Variants in AGK observed in about 807,000 individuals in gnomAD.
AGK encodes acylglycerol kinase, mitochondrial.
AGK carries 52 observed loss-of-function variants against 66.4 expected under a neutral mutation model. The ratio of observed to expected loss-of-function variants is 0.78; its 90% CI spans 0.63 to 0.99. The LOEUF (loss-of-function observed/expected upper bound fraction) is 0.99. Among genes scored for constraint, AGK ranks in the 50% least tolerant of loss-of-function variants. The pLI, the probability that AGK is intolerant of heterozygous loss-of-function variation, is 0.00. For synonymous variants in AGK, 182 were observed against 181.1 expected (o/e 1.00, Z -0.04); for missense variants, 451 against 506.6 (o/e 0.89, Z 1.05).
At chr7:141,574,551 G>A (rs1217013577) in intron 2 of AGK, among the ~76,000 whole-genome samples, 6 of 152,162 alleles carry the variant, frequency 3.9e-5, no homozygotes, top group African/African-American at 1.4e-4. Context: ...ATTTCTCTTG[G>A]TCAATAGAAT....
intron 15 of AGK, chr7:141,652,308 A>C (rs528468298): frequency 6.4e-6 from 1 of 155,744 alleles, no homozygotes; most frequent in Admixed American, 6.2e-5. Context: ...ATTAATGTTG[A>C]TACACCTTGG....
chr7:141,563,293 G>A (rs1795391962), intron 2 of AGK, among the ~76,000 whole-genome samples: 1 of 152,172 alleles, frequency 6.6e-6, no homozygotes, highest in Admixed American at 6.5e-5. Context: ...CCTTTCAAAT[G>A]GGATCAGGGT....
chr7:141,614,475 T>A (rs1562973613), intron 7 of AGK, among the ~76,000 whole-genome samples: 1 of 152,084 alleles, frequency 6.6e-6, no homozygotes, highest in Non-Finnish European at 1.5e-5. Flanking sequence ...TGTGGCATAT[T>A]CATATAGTGG....
At chr7:141,609,957 A>G (rs1252403860) in intron 5 of AGK, among the ~76,000 whole-genome samples, 1 of 151,426 alleles carries the variant, frequency 6.6e-6, no homozygotes, top group Non-Finnish European at 1.5e-5. Context: ...GTACGTATGT[A>G]TGGGTTTTTT....
intron 1 of AGK, among the ~76,000 whole-genome samples, chr7:141,553,935 A>G (rs1296039967): frequency 2.0e-5 from 3 of 152,182 alleles, no homozygotes; most frequent in African/African-American, 7.2e-5. Flanking sequence ...TTTTGCTTAA[A>G]TTTTTGTTTA....
At chr7:141,602,016 A>G (rs1276020214) in intron 5 of AGK, among the ~76,000 whole-genome samples, 3 of 151,186 alleles carry the variant, frequency 2.0e-5, no homozygotes, top group African/African-American at 7.4e-5. Context: ...GGGTAGGAGA[A>G]AGGGGAAGAA....
intron 4 of AGK, among the ~76,000 whole-genome samples, chr7:141,600,068 A>C (rs551700688): frequency 3.1e-4 from 47 of 152,308 alleles, no homozygotes; most frequent in African/African-American, 1.0e-3. Context: ...TGAATATAAA[A>C]TGTCTCTTCT....
In AGK at chr7:141,555,604, G is replaced by A; in HGVS notation, c.101+37G>A. The A allele has an allele frequency of 6.7e-7, 1 of 1,501,496 alleles. No individual in the cohort carries two copies. Among genetic ancestry groups the A allele is most frequent in the Non-Finnish European group, 9.2e-7 (1 of 1,083,922 alleles). The allele number at this position is 1,501,496 out of a possible 1,614,324, so 93.0% of individuals were successfully genotyped here. A position where few individuals can be genotyped will look rare whatever the true frequency, so the allele number is the denominator to read the frequency against. ...ACAGCCCCATCCCACCTTTGCATCT[G>A]CAGCAAAACAGCCCCAAAGGGCCTC... is the stretch of plus-strand genomic sequence containing the variant. On this transcript the variant is annotated intron_variant, in intron 2 of 15. Transcript: ENST00000649286. This position sits in a 1 kb window ranked among gnomAD's most constrained non-coding sequence, Gnocchi z 4.2.
At chr7:141,574,005 A>G (rs1027606153) in intron 2 of AGK, among the ~76,000 whole-genome samples, 2 of 152,142 alleles carry the variant, frequency 1.3e-5, no homozygotes, top group East Asian at 3.8e-4. Flanking sequence ...CTCATTATAT[A>G]TATTTGTTTA....
intron 4 of AGK, among the ~76,000 whole-genome samples, chr7:141,600,028 T>C (rs1028514787): frequency 1.3e-5 from 2 of 152,242 alleles, no homozygotes; most frequent in African/African-American, 4.8e-5. Flanking sequence ...TGCATAACTA[T>C]ACGTGTTCCT....
intron 10 of AGK, 85 bp from the exon 11 acceptor site, chr7:141,636,875 A>C: frequency 8.9e-6 from 10 of 1,117,386 alleles, no homozygotes; most frequent in Non-Finnish European, 1.3e-5. Flanking sequence ...ATGTAATTCT[A>C]ATGTATTGTC....
intron 15 of AGK, chr7:141,652,400 CTTTA>C: frequency 6.3e-6 from 1 of 159,380 alleles, no homozygotes; most frequent in Non-Finnish European, 1.4e-5. Flanking sequence ...AATTAGCTGT[CTTTA>C]TTTTTATTTG....
intron 2 of AGK, among the ~76,000 whole-genome samples, chr7:141,557,693 G>C (rs1054381839): frequency 6.6e-6 from 1 of 152,210 alleles, no homozygotes; most frequent in Non-Finnish European, 1.5e-5. Context: ...CAGAAGTGTG[G>C]TGGCAGCCTG....
intron 9 of AGK, among the ~76,000 whole-genome samples, chr7:141,630,484 A>G (rs892090359): frequency 6.6e-6 from 1 of 152,232 alleles, no homozygotes; most frequent in Non-Finnish European, 1.5e-5. Flanking sequence ...TAATCATCCC[A>G]CATGTCAATT....
chr7:141,567,194 C>T lies in AGK; in HGVS notation c.101+11627C>T, dbSNP rs10261850. On this transcript the variant is annotated intron_variant, in intron 2 of 15. Transcript: ENST00000649286. ...CACTCTGTAAGGGATCACAACCACA[C>T]AGTTGTTTTCAGGTATGATATATGG... Among the ~76,000 whole-genome samples the T allele has an allele frequency of 9.9e-3, 1,508 of 152,216 alleles. 28 individuals are homozygous for T. Among genetic ancestry groups the T allele is most frequent in the African/African-American group, 0.034 (1,425 of 41,530 alleles).
At chr7:141,613,761 ACTCT>A (rs377720294) in intron 6 of AGK, among the ~76,000 whole-genome samples, 8 of 152,174 alleles carry the variant, frequency 5.3e-5, no homozygotes, top group East Asian at 1.9e-4. Context: ...TTAAGTGCAC[ACTCT>A]CTGAGTGTAG....
chr7:141,648,558 C>T (rs947524441), intron 13 of AGK, among the ~76,000 whole-genome samples: 3 of 152,184 alleles, frequency 2.0e-5, no homozygotes, highest in Non-Finnish European at 4.4e-5. Context: ...CCAAAAGAAA[C>T]AAGACCTCTA....
intron 13 of AGK, among the ~76,000 whole-genome samples, chr7:141,646,221 T>C (rs1159068412): frequency 1.3e-5 from 2 of 151,852 alleles, no homozygotes; most frequent in African/African-American, 2.4e-5. Context: ...TACGGAGGTG[T>C]CCTCTGGAAT....
chr7:141,627,917 T>C (rs1796971705), intron 9 of AGK, among the ~76,000 whole-genome samples: 1 of 152,242 alleles, frequency 6.6e-6, no homozygotes, highest in Admixed American at 6.5e-5. Flanking sequence ...AGTCTCACTC[T>C]GTCACCCAGG....
Sources: gnomAD v4.1 joint callset for allele counts (sites outside exome capture counted in the v4.1 genomes callset) on GRCh38, gnomAD v4.1.1 for gene constraint, Gnocchi (gnomAD v3.1) non-coding constraint, MANE v1.5 for transcripts, NCBI Gene and HGNC (gene_info 2026-07-23, HGNC 2026-07-21) for gene names.